Variants in LIPC observed in about 807,000 individuals in gnomAD.
LIPC encodes lipase C, hepatic type.
LIPC carries 44 observed loss-of-function variants against 50.7 expected under a neutral mutation model. That is an observed-to-expected ratio of 0.87 (90% confidence interval 0.68 to 1.11). LIPC has a LOEUF of 1.11. Ranked by LOEUF, LIPC falls within the 50% of genes most tolerant of loss-of-function variation. The pLI is 0.00. For missense variants in LIPC, 697 were observed against 648.2 expected (o/e 1.08, Z -0.82); for synonymous variants, 271 against 256.4 (o/e 1.06, Z -0.54).
chr15:58,536,074 A>G (rs775680630), intron 1 of LIPC, among the ~76,000 whole-genome samples: 7 of 152,170 alleles, frequency 4.6e-5, no homozygotes, highest in Non-Finnish European at 8.8e-5. Flanking sequence ...GGATAAATAA[A>G]TCACCCCGCT....
intron 1 of LIPC, among the ~76,000 whole-genome samples, chr15:58,459,584 G>A (rs1278710826): frequency 1.3e-5 from 2 of 152,098 alleles, no homozygotes; most frequent in African/African-American, 4.8e-5. Flanking sequence ...CCAGCAAACA[G>A]GTGTTTAGTC....
intron 2 of LIPC, among the ~76,000 whole-genome samples, chr15:58,539,129 T>C (rs1893240383): frequency 6.6e-6 from 1 of 152,174 alleles, no homozygotes; most frequent in African/African-American, 2.4e-5. Flanking sequence ...GCTAGAGGAC[T>C]AGCCATCACA....
intron 1 of LIPC, chr15:58,436,871 A>C (rs1335065751): frequency 2.2e-6 from 1 of 456,336 alleles, no homozygotes; most frequent in East Asian, 6.9e-5. Flanking sequence ...CTGATAAAGT[A>C]CATGTGCTTT....
At chr15:58,453,905 G>T (rs950863629) in intron 1 of LIPC, among the ~76,000 whole-genome samples, 1 of 151,940 alleles carries the variant, frequency 6.6e-6, no homozygotes, top group South Asian at 2.1e-4. Flanking sequence ...GAAAAAAAAT[G>T]GATAGAATGT....
At chr15:58,433,412 A>G (rs1893188021) in intron 1 of LIPC, among the ~76,000 whole-genome samples, 2 of 152,326 alleles carry the variant, frequency 1.3e-5, no homozygotes, top group African/African-American at 2.4e-5. Context: ...GCCTTAACAT[A>G]TATGATTTTT....
intron 1 of LIPC, among the ~76,000 whole-genome samples, chr15:58,507,575 C>T (rs1296176025): frequency 6.6e-6 from 1 of 152,166 alleles, no homozygotes; most frequent in African/African-American, 2.4e-5. Flanking sequence ...TAAAGTGGTC[C>T]CTCTTATAAT....
chr15:58,436,253 A>C (rs1279217300), intron 1 of LIPC: 1 of 159,516 alleles, frequency 6.3e-6, no homozygotes, highest in African/African-American at 2.4e-5. Flanking sequence ...TAAACAGTAG[A>C]TTTGAAACAA....
At position 58,432,109 on chromosome 15, in the gene LIPC, G is replaced by C; in HGVS notation, c.77G>C (p.Ser26Thr). Residue 26 changes from serine to threonine, a missense_variant, in exon 1 of 9, where the codon AGC becomes ACC. Transcript: ENST00000299022. The stretch of plus-strand genomic sequence containing the variant: ...ATCCAATCAAGTGCCCTTGGACAAA[G>C]CCTGAAACCAGGTAAGAGCCTGACT... The part of the protein sequence containing the change: ...IFIQSSALGQ[S>T]LKPEPFGRRA... 2 of 1,612,896 alleles carry C rather than the reference G, an allele frequency of 1.2e-6. No individual in the cohort carries two copies. The highest frequency in any genetic ancestry group is 8.5e-7 in the Non-Finnish European group (1 of 1,178,918).
In LIPC at chr15:58,489,225, G is replaced by GC; in HGVS notation, c.89-49108_89-49107insC. On this transcript the variant is annotated intron_variant, in intron 1 of 8. Coordinates refer to ENST00000299022, the MANE Select transcript of LIPC (RefSeq NM_000236.3). ...AGGGATTCATTTTGTTGCGGGGGCG[G>GC]GGGGGCGGCTTACAAGCTTCCCAGG... is the stretch of plus-strand genomic sequence containing the variant. 2.8e-5 allele frequency among the ~76,000 whole-genome samples: 3 copies of GC among 105,342 alleles called. 1 individual carries two copies. In the Middle Eastern group the frequency reaches 0.013, roughly 443 times the overall value. 69.1% of individuals were successfully genotyped at this position (105,342 alleles called of 152,430 possible). A position where few individuals can be genotyped will look rare whatever the true frequency, so the allele number is the denominator to read the frequency against.
At chr15:58,456,803 C>T (rs186876297) in intron 1 of LIPC, among the ~76,000 whole-genome samples, 35 of 152,396 alleles carry the variant, frequency 2.3e-4, no homozygotes, top group Middle Eastern at 3.4e-3. Context: ...GGCTTCACCA[C>T]TGCTGTTTTC....
intron 6 of LIPC, among the ~76,000 whole-genome samples, chr15:58,560,611 T>A (rs1320489686): frequency 6.6e-6 from 1 of 152,208 alleles, no homozygotes; most frequent in Non-Finnish European, 1.5e-5. Context: ...TATTCTGCCA[T>A]CTTTTGTTGG....
At chr15:58,561,015 CACACTT>C in intron 7 of LIPC, 34 bp downstream of exon 7, 1 of 2,418 alleles carries the variant, frequency 4.1e-4, no homozygotes, top group Non-Finnish European at 3.6e-3. Context: ...AGGGTGATGA[CACACTT>C]ATTTTTCTTG....
chr15:58,475,651 C>G (rs1890969774), intron 1 of LIPC, among the ~76,000 whole-genome samples: 1 of 152,224 alleles, frequency 6.6e-6, no homozygotes, highest in Non-Finnish European at 1.5e-5. Context: ...ACACATCTGT[C>G]TCTACCAGCA....
chr15:58,545,239 C>CT lies in LIPC; in HGVS notation c.575-492dup, dbSNP rs1277624679. Among the ~76,000 whole-genome samples the CT allele has an allele frequency of 4.7e-3, 696 of 146,666 alleles. 3 individuals are homozygous for CT. The highest frequency in any genetic ancestry group is 0.014 in the African/African-American group (562 of 40,262). On this transcript the variant is annotated intron_variant, in intron 4 of 8. Coordinates refer to ENST00000299022, the MANE Select transcript of LIPC (RefSeq NM_000236.3). ...CAAGCATTCCCTCATAACCTTATTC[C>CT]TTTTTTTTTTTCTTTTTGAGACAGG...
At chr15:58,453,594 T>C (rs1893992809) in intron 1 of LIPC, among the ~76,000 whole-genome samples, 1 of 152,096 alleles carries the variant, frequency 6.6e-6, no homozygotes, top group African/African-American at 2.4e-5. Context: ...TGCTGGCAAC[T>C]CTCATTACAG....
chr15:58,564,083 A>C, intron 8 of LIPC: 1 of 318,470 alleles, frequency 3.1e-6, no homozygotes, highest in South Asian at 3.5e-5. Context: ...TGGTAGATGC[A>C]ACATCTTTTT....
At chr15:58,517,885 C>T (rs1441805781) in intron 1 of LIPC, among the ~76,000 whole-genome samples, 1 of 152,170 alleles carries the variant, frequency 6.6e-6, no homozygotes, top group Non-Finnish European at 1.5e-5. Context: ...AGGAAATCAG[C>T]CTTGCGGAGG....
At chr15:58,461,330 C>T (rs1414682724) in intron 1 of LIPC, among the ~76,000 whole-genome samples, 1 of 152,202 alleles carries the variant, frequency 6.6e-6, no homozygotes, top group African/African-American at 2.4e-5. Flanking sequence ...TTTATAGAGG[C>T]AGAGAAACTT....
chr15:58,485,111 G>T (rs1891324401), intron 1 of LIPC, among the ~76,000 whole-genome samples: 1 of 152,240 alleles, frequency 6.6e-6, no homozygotes, highest in Non-Finnish European at 1.5e-5. Context: ...AGCTTTGGCA[G>T]GGGTAATAGC....
Sources: gnomAD v4.1 joint callset for allele counts (sites outside exome capture counted in the v4.1 genomes callset) on GRCh38, gnomAD v4.1.1 for gene constraint, MANE v1.5 for transcripts, NCBI Gene and HGNC (gene_info 2026-07-23, HGNC 2026-07-21) for gene names.